Variants in SMARCC1 observed in about 807,000 individuals in gnomAD.
The protein encoded by SMARCC1 is SWI/SNF related BAF chromatin remodeling complex subunit C1.
Under a neutral mutation model 147.4 loss-of-function variants are expected in SMARCC1, and 43 were observed. The observed-to-expected ratio is 0.29, with a 90% CI of 0.23 to 0.38. The LOEUF is 0.38. Among genes scored for constraint, SMARCC1 ranks in the 10% least tolerant of loss-of-function variants. The pLI, the probability that SMARCC1 is intolerant of heterozygous loss-of-function variation, is 1.00. For missense variants in SMARCC1, 1,119 were observed against 1,381.1 expected (o/e 0.81, Z 3.01); for synonymous variants, 495 against 484.4 (o/e 1.02, Z -0.29).
chr3:47,693,179 C>A (rs2033810781), intron 12 of SMARCC1, 62 bp downstream of exon 12: 3 of 961,910 alleles, frequency 3.1e-6, no homozygotes, highest in Non-Finnish European at 5.0e-6. Context: ...AATAGACTAT[C>A]AAAGGAGATG....
chr3:47,595,310 A>G (rs1199572224), intron 26 of SMARCC1, among the ~76,000 whole-genome samples: 1 of 152,136 alleles, frequency 6.6e-6, no homozygotes, highest in Admixed American at 6.5e-5. Context: ...AGATCACCTG[A>G]GGTCAGGAGT....
intron 1 of SMARCC1, among the ~76,000 whole-genome samples, chr3:47,778,190 C>CAAAAAAAAAA (rs762774696): frequency 3.4e-4 from 18 of 53,072 alleles, no homozygotes; most frequent in African/African-American, 1.2e-3. Flanking sequence ...GACTCCATCT[C>CAAAAAAAAAA]AAAAAAAAAA....
intron 24 of SMARCC1, among the ~76,000 whole-genome samples, chr3:47,632,820 T>C (rs1191880560): frequency 6.6e-6 from 1 of 152,198 alleles, no homozygotes; most frequent in African/African-American, 2.4e-5. Context: ...AGTAGGGTCC[T>C]GATTATAGAA....
Position 47,738,100 on chromosome 3 carries a change from C to A in SMARCC1, c.412G>T (p.Asp138Tyr). Residue 138 changes from aspartate (D) to tyrosine (Y), a missense_variant, in exon 4 of 28, where the codon GAC (aspartate) becomes TAC (tyrosine). By Grantham distance (160) the Asp-to-Tyr change is radical (BLOSUM62 -3). Coordinates refer to ENST00000254480, the MANE Select transcript of SMARCC1 (RefSeq NM_003074.4). ...YKNEQGWRRF[D>Y]LQNPSRMDRN... ...TCCATTCGAGATGGGTTCTGTAGGT[C>A]AAACCTCCGCCTAAAAAAAAAGAAA... 6.4e-7 allele frequency: 1 copy of A among 1,562,092 alleles called. No individual in the cohort carries two copies. The highest frequency in any genetic ancestry group is 8.7e-7 in the Non-Finnish European group (1 of 1,155,384).
chr3:47,626,634 T>A (rs1358181949), intron 24 of SMARCC1, among the ~76,000 whole-genome samples: 1 of 152,162 alleles, frequency 6.6e-6, no homozygotes, highest in African/African-American at 2.4e-5. Context: ...TGGGTAATTC[T>A]TAGAAGGGAC....
intron 25 of SMARCC1, among the ~76,000 whole-genome samples, chr3:47,618,486 T>G (rs2032679129): frequency 6.6e-6 from 1 of 151,806 alleles, no homozygotes; most frequent in Admixed American, 6.6e-5. Context: ...AGTTTGTGGC[T>G]GCAGTGAGCT....
At chr3:47,663,267 G>GAA (rs2033375939) in intron 19 of SMARCC1, among the ~76,000 whole-genome samples, 1 of 143,264 alleles carries the variant, frequency 7.0e-6, no homozygotes, top group Non-Finnish European at 1.5e-5. Flanking sequence ...AGGAAGGAAG[G>GAA]GCTTTTTTAC....
chr3:47,642,408 G>A (rs1437865906), intron 21 of SMARCC1, among the ~76,000 whole-genome samples: 3 of 152,056 alleles, frequency 2.0e-5, no homozygotes, highest in East Asian at 1.9e-4. Flanking sequence ...TGGCCAACAT[G>A]GTGAAACCCC....
chr3:47,778,276 C>T (rs149520534), intron 1 of SMARCC1, among the ~76,000 whole-genome samples: 137 of 148,932 alleles, frequency 9.2e-4, no homozygotes, highest in African/African-American at 3.3e-3. Flanking sequence ...AACAATTAAT[C>T]TGGTTTTTTT....
At chr3:47,589,782 T>G (rs887240603) in intron 27 of SMARCC1, among the ~76,000 whole-genome samples, 4 of 152,260 alleles carry the variant, frequency 2.6e-5, no homozygotes, top group African/African-American at 9.6e-5. Context: ...CTTCATTTGC[T>G]AAGTTCTATC....
At chr3:47,738,145 C>T in intron 3 of SMARCC1, 35 bp from the exon 4 acceptor site, 1 of 1,427,584 alleles carries the variant, frequency 7.0e-7, no homozygotes, top group Non-Finnish European at 9.6e-7. Context: ...TAATTTGTCT[C>T]CCAGCTTAAA....
chr3:47,609,764 A>G (rs1352007754), intron 26 of SMARCC1, among the ~76,000 whole-genome samples: 2 of 152,148 alleles, frequency 1.3e-5, no homozygotes, highest in African/African-American at 2.4e-5. Flanking sequence ...ATCTTTGAAA[A>G]TGTCTATAAT....
intron 21 of SMARCC1, among the ~76,000 whole-genome samples, chr3:47,649,183 C>G (rs1358359236): frequency 6.6e-6 from 1 of 152,188 alleles, no homozygotes; most frequent in African/African-American, 2.4e-5. Flanking sequence ...GTCTGATGAT[C>G]AAATATGGTT....
intron 3 of SMARCC1, among the ~76,000 whole-genome samples, chr3:47,741,953 T>C (rs1016131915): frequency 3.3e-5 from 5 of 151,752 alleles, no homozygotes; most frequent in African/African-American, 1.2e-4. Context: ...CTCCAGGGTA[T>C]TATAGCTTGC....
chr3:47,641,632 T>C (rs1161330514), intron 21 of SMARCC1, among the ~76,000 whole-genome samples: 1 of 152,098 alleles, frequency 6.6e-6, no homozygotes, highest in Non-Finnish European at 1.5e-5. Flanking sequence ...AAAACTACCA[T>C]ATAAAACCAA....
At chr3:47,591,485 G>A (rs1576380437) in intron 26 of SMARCC1, among the ~76,000 whole-genome samples, 2 of 150,286 alleles carry the variant, frequency 1.3e-5, no homozygotes, top group East Asian at 3.9e-4. Flanking sequence ...GGAAAACAAA[G>A]ACAGCTCCAT....
At chr3:47,680,575 TCTCGCTC>T (rs2033631610) in intron 14 of SMARCC1, 67 bp from the exon 15 acceptor site, 1 of 835,388 alleles carries the variant, frequency 1.2e-6, no homozygotes, top group Non-Finnish European at 1.7e-6. Flanking sequence ...TGAGACGGAG[TCTCGCTC>T]TGTCGCCCAG....
chr3:47,602,337 G>A (rs542251604), intron 26 of SMARCC1, among the ~76,000 whole-genome samples: 4 of 152,276 alleles, frequency 2.6e-5, no homozygotes, highest in African/African-American at 9.6e-5. Context: ...TTGCTCTATC[G>A]CCCAGGCTGG....
Position 47,635,226 on chromosome 3 carries a change from T to C in SMARCC1, c.2610A>G (p.Ala870=). 1.2e-6 allele frequency: 2 copies of C among 1,613,836 alleles called. No homozygotes were observed. The highest frequency in any genetic ancestry group is 1.7e-6 in the Non-Finnish European group (2 of 1,179,956). ...EISEGNVATA[A]AAALASAATK... Reference sequence around the variant, plus strand: ...TAGCCGCTGAGGCAAGAGCAGCTGCTGCGGCTGTGGCAACATTTCCTTCGG... The same window carrying C: ...TAGCCGCTGAGGCAAGAGCAGCTGCCGCGGCTGTGGCAACATTTCCTTCGG... Residue 870 remains alanine (A), a synonymous_variant, in exon 24 of 28, where the codon GCA becomes GCG. Coordinates refer to ENST00000254480, the MANE Select transcript of SMARCC1 (RefSeq NM_003074.4).
Sources: allele counts gnomAD v4.1 joint callset (sites outside exome capture counted in the v4.1 genomes callset), GRCh38; gene constraint gnomAD v4.1.1; transcripts MANE v1.5; gene names NCBI Gene and HGNC (gene_info 2026-07-23, HGNC 2026-07-21).